Variants in PNPLA3 observed in about 807,000 individuals in gnomAD.
The protein encoded by PNPLA3 is patatin like domain 3, 1-acylglycerol-3-phosphate O-acyltransferase.
PNPLA3 carries 42 observed loss-of-function variants against 43.1 expected under a neutral mutation model. That is an observed-to-expected ratio of 0.97 (90% CI 0.76 to 1.26). The LOEUF (loss-of-function observed/expected upper bound fraction) is 1.26. Ranked by LOEUF, PNPLA3 falls within the 50% of genes most tolerant of loss-of-function variation. PNPLA3 has a pLI of 0.00. For synonymous variants in PNPLA3, 272 were observed against 253.6 expected, an observed-to-expected ratio of 1.07 and a Z score of -0.69; for missense variants, 647 against 621.4, an observed-to-expected ratio of 1.04 and a Z score of -0.44.
chr22:43,937,241 C>T lies in PNPLA3; in HGVS notation c.948C>T (p.Ile316=), dbSNP rs1430157483. ...RLSILPWDES[I]LDTLSPRLAT... is the part of the protein sequence containing the mutation. ...GCATCCTGCCCTGGGATGAGAGCAT[C>T]CTGGACACCCTCTCGCCCAGGCTCG... The change falls in exon 6 of 9, where the codon ATC becomes ATT. Residue 316 remains isoleucine, a synonymous_variant. Transcript: ENST00000216180. 6.2e-7 allele frequency: 1 copy of T among 1,614,094 alleles called. No individual in the cohort carries two copies. The highest frequency in any genetic ancestry group is 1.7e-5 in the Admixed American group (1 of 60,022).
chr22:43,928,320 A>G (rs540542537), intron 2 of PNPLA3, among the ~76,000 whole-genome samples: 1 of 152,224 alleles, frequency 6.6e-6, no homozygotes, highest in African/African-American at 2.4e-5. Flanking sequence ...TCTGTAGCAC[A>G]GTGCTTCGCA....
intron 6 of PNPLA3, 68 bp downstream of exon 6, chr22:43,937,340 G>A: frequency 6.9e-7 from 1 of 1,448,566 alleles, no homozygotes; most frequent in Non-Finnish European, 9.5e-7. Flanking sequence ...GGAGGAAGAT[G>A]GTACTGCCAC....
intron 1 of PNPLA3, 62 bp downstream of exon 1, chr22:43,924,160 C>T (rs2049905809): frequency 2.2e-6 from 3 of 1,390,132 alleles, no homozygotes; most frequent in Non-Finnish European, 1.9e-6. Context: ...GGCCGGGGAG[C>T]GGGGGATCCC....
At chr22:43,928,328 G>A (rs572986659) in intron 2 of PNPLA3, among the ~76,000 whole-genome samples, 3 of 152,336 alleles carry the variant, frequency 2.0e-5, no homozygotes, top group South Asian at 2.1e-4. Context: ...ACAGTGCTTC[G>A]CAAAGTGTGA....
chr22:43,927,687 T>C (rs2049934047), intron 2 of PNPLA3, among the ~76,000 whole-genome samples: 1 of 151,896 alleles, frequency 6.6e-6, no homozygotes, highest in African/African-American at 2.4e-5. Context: ...TACAGAGTCT[T>C]GCTCTGTCTC....
At chr22:43,943,150 C>T (rs577812369) in intron 7 of PNPLA3, among the ~76,000 whole-genome samples, 3 of 152,234 alleles carry the variant, frequency 2.0e-5, no homozygotes, top group African/African-American at 7.2e-5. Context: ...TTTTTCTTAG[C>T]ATTCTGTTCT....
intron 8 of PNPLA3, among the ~76,000 whole-genome samples, chr22:43,945,917 C>G (rs2050059995): frequency 6.6e-6 from 1 of 152,138 alleles, no homozygotes; most frequent in South Asian, 2.1e-4. Flanking sequence ...GTGGACAACA[C>G]CTGTGATGTC....
chr22:43,940,226 C>T (rs1422704310), intron 7 of PNPLA3, 101 bp downstream of exon 7: 11 of 1,366,002 alleles, frequency 8.1e-6, no homozygotes, highest in Non-Finnish European at 8.1e-6. Context: ...CCTGGATTGT[C>T]GTGCCACAGA....
At position 43,931,320 on chromosome 22, in the gene PNPLA3, C is replaced by G. The variant is rs1013239911; in HGVS notation, c.487-1558C>G. Reference sequence around the variant, plus strand: ...TACTGTGTACATACCGCATGCTAATCAATTGCACCACTGGAGCTCCTAAAT... The same window carrying G: ...TACTGTGTACATACCGCATGCTAATGAATTGCACCACTGGAGCTCCTAAAT... On this transcript the variant is annotated intron_variant, in intron 3 of 8. Transcript: ENST00000216180. Among the ~76,000 whole-genome samples the G allele has an allele frequency of 3.3e-5, 5 of 152,236 alleles. No homozygotes were observed. In the East Asian group the frequency reaches 9.7e-4, roughly 29 times the overall value.
intron 5 of PNPLA3, 80 bp from the exon 6 acceptor site, chr22:43,936,971 C>T (rs2049999300): frequency 1.7e-6 from 2 of 1,181,132 alleles, no homozygotes; most frequent in Non-Finnish European, 2.5e-6. Flanking sequence ...TGCCTGCCTC[C>T]CTGCAGTTTG....
Position 43,946,467 on chromosome 22 carries a change from T to A in PNPLA3, c.*85T>A. ...GTGCAGCTACCTCCGCATTGCTGTG[T>A]AGTGACCCCTGCCTGTGACGTGGAG... On this transcript the variant is annotated 3_prime_UTR_variant, in exon 9 of 9. Coordinates refer to ENST00000216180, the MANE Select transcript of PNPLA3 (RefSeq NM_025225.3). 1 of 1,292,362 alleles carries A rather than the reference T, an allele frequency of 7.7e-7. No homozygotes were observed. Among genetic ancestry groups the A allele is most frequent in the Non-Finnish European group, 1.1e-6 (1 of 895,810 alleles). 80.1% of individuals were successfully genotyped at this position (1,292,362 alleles called of 1,614,324 possible).
chr22:43,939,948 T>G (rs2050020542), intron 6 of PNPLA3, 45 bp from the exon 7 acceptor site: 22 of 1,614,092 alleles, frequency 1.4e-5, no homozygotes, highest in Non-Finnish European at 1.9e-5. Context: ...GTGGTTTGGT[T>G]TTTCACAGTG....
At chr22:43,937,782 A>G (rs1452115834) in intron 6 of PNPLA3, among the ~76,000 whole-genome samples, 1 of 152,014 alleles carries the variant, frequency 6.6e-6, no homozygotes. Context: ...CCCTAAACCC[A>G]CAATTTTGAA....
At chr22:43,941,914 G>A (rs761445860) in intron 7 of PNPLA3, among the ~76,000 whole-genome samples, 1 of 152,214 alleles carries the variant, frequency 6.6e-6, no homozygotes, top group Non-Finnish European at 1.5e-5. Context: ...GAGCCTGAAG[G>A]TGTGAGGAGG....
rs531832356 is a variant in PNPLA3, at chr22:43,934,628, G to C, written c.719G>C (p.Arg240Pro). 1.2e-6 allele frequency: 2 copies of C among 1,613,868 alleles called. No individual in the cohort carries two copies. The highest frequency in any genetic ancestry group is 2.7e-5 in the African/African-American group (2 of 74,912). ...CAGGTGCTGGGAGAGATATGCCTTC[G>C]AGGATATTTGGATGCATTCAGGTTC... ...DLKVLGEICL[R>P]GYLDAFRFLE... Residue 240 changes from arginine (R) to proline (P), a missense_variant, in exon 5 of 9, where the codon CGA becomes CCA. Physicochemically the swap from Arg to Pro is moderately radical, Grantham distance 103. Transcript: ENST00000216180.
chr22:43,933,162 G>A lies in PNPLA3; in HGVS notation c.696+75G>A, dbSNP rs1023782843. Reference sequence around the variant, plus strand: ...CCTCCCTGATTGCCAGGAGCTACCAGTTACTGTCTGCACAATCAAACAGAA... The same window carrying A: ...CCTCCCTGATTGCCAGGAGCTACCAATTACTGTCTGCACAATCAAACAGAA... On this transcript the variant is annotated intron_variant, in intron 4 of 8. Transcript: ENST00000216180. The A allele has an allele frequency of 4.7e-5, 63 of 1,345,484 alleles. 1 individual carries two copies. The highest frequency in any genetic ancestry group is 2.1e-4 in the South Asian group (18 of 84,548). 83.3% of individuals were successfully genotyped at this position (1,345,484 alleles called of 1,614,324 possible). A position where few individuals can be genotyped will look rare whatever the true frequency, so the allele number is the denominator to read the frequency against.
chr22:43,939,380 C>A, intron 6 of PNPLA3: 3 of 981,436 alleles, frequency 3.1e-6, no homozygotes, highest in Non-Finnish European at 3.6e-6. Flanking sequence ...AAAATAAAAG[C>A]AGGCTTTCTG....
chr22:43,944,938 C>G (rs1191809717), intron 8 of PNPLA3, 143 bp downstream of exon 8: 21 of 704,148 alleles, frequency 3.0e-5, no homozygotes, highest in Non-Finnish European at 4.7e-5. Flanking sequence ...TCATGGGAGG[C>G]AGCTGAGTCA....
intron 4 of PNPLA3, among the ~76,000 whole-genome samples, chr22:43,933,937 A>G (rs1044012678): frequency 2.0e-5 from 3 of 152,186 alleles, no homozygotes; most frequent in Admixed American, 1.3e-4. Context: ...AGTAGAGGAG[A>G]CAGCTCTTAT....
Sources: allele counts gnomAD v4.1 joint callset (sites outside exome capture counted in the v4.1 genomes callset), GRCh38; gene constraint gnomAD v4.1.1; transcripts MANE v1.5; gene names NCBI Gene and HGNC (gene_info 2026-07-23, HGNC 2026-07-21).